PPM1E: variants seen among roughly 807,000 people sequenced by gnomAD.
The protein encoded by PPM1E is protein phosphatase 1E.
A neutral mutation model predicts 65.9 loss-of-function variants in PPM1E; 20 were observed. That is an observed-to-expected ratio of 0.30 (90% confidence interval 0.21 to 0.44). The LOEUF is 0.44. PPM1E is among the 20% of genes least tolerant of loss of function. The pLI is 1.00. For missense variants in PPM1E, 713 were observed against 953.1 expected (o/e 0.75, Z 3.32); for synonymous variants, 352 against 374.9 (o/e 0.94, Z 0.70).
intron 1 of PPM1E, among the ~76,000 whole-genome samples, chr17:58,778,927 C>CACATATAT (rs1555609359): frequency 9.6e-6 from 1 of 103,710 alleles, no homozygotes; most frequent in Non-Finnish European, 2.0e-5. Flanking sequence ...ATGATACATA[C>CACATATAT]ATATATATAT....
intron 1 of PPM1E, among the ~76,000 whole-genome samples, chr17:58,828,763 C>A (rs1159158106): frequency 1.3e-5 from 2 of 151,976 alleles, no homozygotes; most frequent in African/African-American, 4.8e-5. Flanking sequence ...TGTGCCTGGC[C>A]TATTTTTAGT....
intron 1 of PPM1E, among the ~76,000 whole-genome samples, chr17:58,818,414 G>C (rs1324313686): frequency 2.6e-5 from 4 of 152,156 alleles, no homozygotes; most frequent in African/African-American, 9.7e-5. Context: ...TGGCACTGAT[G>C]AAAATAATAA....
At chr17:58,845,582 A>C (rs1213441639) in intron 1 of PPM1E, among the ~76,000 whole-genome samples, 1 of 152,186 alleles carries the variant, frequency 6.6e-6, no homozygotes, top group Non-Finnish European at 1.5e-5. Context: ...TTTAAGTGGA[A>C]TCATACAGTA....
chr17:58,755,860 A>C lies in PPM1E; in HGVS notation c.-138A>C. 1 of 1,435,424 alleles carries C rather than the reference A, an allele frequency of 7.0e-7. No individual in the cohort carries two copies. 88.9% of individuals were successfully genotyped at this position (1,435,424 alleles called of 1,614,324 possible). Reference sequence around the variant, plus strand: ...GCGCACGCCTGCGGGAGCCCTCTCCAGGCAACCTAGTGCTGATCGCTCGTG... The same window carrying C: ...GCGCACGCCTGCGGGAGCCCTCTCCCGGCAACCTAGTGCTGATCGCTCGTG... On this transcript the variant is annotated 5_prime_UTR_variant, in exon 1 of 7. Transcript: ENST00000308249.
Position 58,969,631 on chromosome 17 carries a change from A to G in PPM1E, c.876A>G (p.Leu292=). 1 of 1,614,088 alleles carries G rather than the reference A, an allele frequency of 6.2e-7. No homozygotes were observed. The highest frequency in any genetic ancestry group is 8.5e-7 in the Non-Finnish European group (1 of 1,179,990). The change falls in exon 4 of 7, where the codon TTA becomes TTG. Residue 292 remains leucine (L), a synonymous_variant. Coordinates refer to ENST00000308249, the MANE Select transcript of PPM1E (RefSeq NM_014906.5). ...IYASIHLHVN[L]VRQEMFPHDP... is the part of the protein sequence containing the mutation. ...CCTCCATTCACCTCCACGTTAACTT[A>G]GTCCGCCAGGAGATGTTCCCCCATG...
At chr17:58,928,901 A>T (rs558961224) in intron 1 of PPM1E, among the ~76,000 whole-genome samples, 2 of 152,034 alleles carry the variant, frequency 1.3e-5, no homozygotes, top group South Asian at 2.1e-4. Context: ...ACGAGGTTTC[A>T]TCATGTTGGC....
intron 1 of PPM1E, among the ~76,000 whole-genome samples, chr17:58,813,083 A>T (rs1227821960): frequency 6.6e-6 from 1 of 152,196 alleles, no homozygotes; most frequent in Non-Finnish European, 1.5e-5. Context: ...ATCACTGCCT[A>T]CAAGATATGA....
intron 1 of PPM1E, among the ~76,000 whole-genome samples, chr17:58,855,646 G>A (rs1299535894): frequency 6.6e-6 from 1 of 152,154 alleles, no homozygotes; most frequent in African/African-American, 2.4e-5. Flanking sequence ...AAATTTTGCA[G>A]CGAGTTTTAG....
chr17:58,781,468 C>T (rs1016454645), intron 1 of PPM1E, among the ~76,000 whole-genome samples: 1 of 151,984 alleles, frequency 6.6e-6, no homozygotes, highest in Middle Eastern at 3.2e-3. Context: ...AAGCAGTCTT[C>T]ATGGCCAACC....
chr17:58,902,400 C>T (rs1466472646), intron 1 of PPM1E, among the ~76,000 whole-genome samples: 1 of 152,018 alleles, frequency 6.6e-6, no homozygotes, highest in East Asian at 1.9e-4. Flanking sequence ...GCTAAACCAG[C>T]TATGCTGCAT....
intron 1 of PPM1E, among the ~76,000 whole-genome samples, chr17:58,811,153 C>G (rs1290087207): frequency 6.6e-6 from 1 of 152,180 alleles, no homozygotes; most frequent in Non-Finnish European, 1.5e-5. Context: ...TCACCTCACC[C>G]AGCCTTGTTT....
chr17:58,934,940 AAAT>A (rs2143581136), intron 1 of PPM1E, among the ~76,000 whole-genome samples: 1 of 151,008 alleles, frequency 6.6e-6, no homozygotes, highest in East Asian at 2.0e-4. Context: ...AAAAAAAAGA[AAAT>A]AAAATAATTT....
intron 1 of PPM1E, among the ~76,000 whole-genome samples, chr17:58,904,675 C>A (rs1247673771): frequency 6.6e-6 from 1 of 152,078 alleles, no homozygotes; most frequent in South Asian, 2.1e-4. Context: ...TCTTTGATTT[C>A]TTTCAACAGA....
chr17:58,761,618 C>A (rs896130316), intron 1 of PPM1E, among the ~76,000 whole-genome samples: 2 of 152,080 alleles, frequency 1.3e-5, no homozygotes, highest in Non-Finnish European at 2.9e-5. Context: ...ATACTATGTT[C>A]CCCCAATAGC....
intron 1 of PPM1E, among the ~76,000 whole-genome samples, chr17:58,854,595 G>GT (rs1231636317): frequency 6.6e-6 from 1 of 151,850 alleles, no homozygotes; most frequent in African/African-American, 2.4e-5. Flanking sequence ...TCTATTCTTA[G>GT]TTTTTTTAGT....
At chr17:58,829,331 C>G (rs553727222) in intron 1 of PPM1E, among the ~76,000 whole-genome samples, 1 of 152,020 alleles carries the variant, frequency 6.6e-6, no homozygotes, top group African/African-American at 2.4e-5. Flanking sequence ...CGTGAGCCAC[C>G]GTGCCTGGCC....
At chr17:58,972,960 C>A in intron 6 of PPM1E, 35 bp downstream of exon 6, 2 of 1,469,016 alleles carry the variant, frequency 1.4e-6, no homozygotes, top group South Asian at 1.1e-5. Flanking sequence ...TCCAAACTGT[C>A]CTCTTCTAGC....
rs1290667032 is a variant in PPM1E, at chr17:58,904,777, G to T, written c.465-50872G>T. On this transcript the variant is annotated intron_variant, in intron 1 of 6. Transcript: ENST00000308249. ...TTTGGGGGGTGCTAATGTAAATGGTGTTGTAGTTTTAATTTCACATTCCCC... is the reference window on the plus strand; with the variant it reads ...TTTGGGGGGTGCTAATGTAAATGGTTTTGTAGTTTTAATTTCACATTCCCC... Among the ~76,000 whole-genome samples, 5 of 150,076 alleles carry T rather than the reference G, an allele frequency of 3.3e-5. No individual in the cohort carries two copies. The East Asian group carries it at 9.8e-4, about 29-fold the overall frequency.
Position 58,972,740 on chromosome 17 carries a change from C to A in PPM1E, c.1117-92C>A, listed in dbSNP as rs1598701102. On this transcript the variant is annotated intron_variant, in intron 5 of 6. Coordinates refer to ENST00000308249, the MANE Select transcript of PPM1E (RefSeq NM_014906.5). The stretch of plus-strand genomic sequence containing the variant: ...GAAACAAAGAGAACCTTTTCATGAG[C>A]TGATGAGTATTATATCTGTTGTTTA... 1.1e-5 allele frequency: 12 copies of A among 1,125,172 alleles called. No individual in the cohort carries two copies. In the East Asian group the frequency reaches 2.4e-4, roughly 22 times the overall value. 69.7% of individuals were successfully genotyped at this position (1,125,172 alleles called of 1,614,324 possible).
Sources: gnomAD v4.1 joint callset for allele counts (sites outside exome capture counted in the v4.1 genomes callset) on GRCh38, gnomAD v4.1.1 for gene constraint, MANE v1.5 for transcripts, NCBI Gene and HGNC (gene_info 2026-07-23, HGNC 2026-07-21) for gene names.